Variants in ARHGAP19 observed in about 807,000 individuals in gnomAD.
ARHGAP19 encodes rho GTPase-activating protein 19.
In ARHGAP19, 48 loss-of-function variants were observed where a neutral mutation model predicts 60.9. The ratio of observed to expected loss-of-function variants is 0.79; its 90% CI spans 0.62 to 1.00. The LOEUF (loss-of-function observed/expected upper bound fraction) is 1.00, where lower values mean the gene tolerates loss of function less well. Ranked by LOEUF, ARHGAP19 falls within the 50% of genes least tolerant of loss-of-function variation. The pLI, the probability that ARHGAP19 is intolerant of heterozygous loss-of-function variation, is 0.00. For missense variants in ARHGAP19, 562 were observed against 597.2 expected (o/e 0.94, Z 0.61); for synonymous variants, 209 against 215.5 (o/e 0.97, Z 0.27).
intron 8 of ARHGAP19, among the ~76,000 whole-genome samples, chr10:97,236,829 A>ACCACATAT (rs1480697127): frequency 2.7e-5 from 4 of 147,400 alleles, no homozygotes; most frequent in African/African-American, 1.0e-4. Flanking sequence ...AAAAAAATAC[A>ACCACATAT]CCACATATAA....
At chr10:97,248,626 T>C (rs575522519) in intron 6 of ARHGAP19, among the ~76,000 whole-genome samples, 1 of 152,154 alleles carries the variant, frequency 6.6e-6, no homozygotes, top group East Asian at 1.9e-4. Context: ...ATATACCTAG[T>C]ATCACTCAGA....
chr10:97,227,122 T>C (rs920435367), intron 11 of ARHGAP19, among the ~76,000 whole-genome samples: 1 of 152,206 alleles, frequency 6.6e-6, no homozygotes, highest in African/African-American at 2.4e-5. Flanking sequence ...TGTGCCAAGG[T>C]TGAGAAATCC....
At chr10:97,279,091 T>C (rs1330196609) in intron 1 of ARHGAP19, among the ~76,000 whole-genome samples, 1 of 152,218 alleles carries the variant, frequency 6.6e-6, no homozygotes, top group African/African-American at 2.4e-5. Flanking sequence ...GTTGGAAAGC[T>C]GTTAGATAAG....
At chr10:97,235,829 T>C (rs1476160077) in intron 8 of ARHGAP19, among the ~76,000 whole-genome samples, 1 of 152,216 alleles carries the variant, frequency 6.6e-6, no homozygotes, top group Non-Finnish European at 1.5e-5. Flanking sequence ...ATCAGCTCTC[T>C]GGAGGTATCT....
chr10:97,242,869 C>T (rs1005598580), intron 8 of ARHGAP19, among the ~76,000 whole-genome samples: 1 of 152,008 alleles, frequency 6.6e-6, no homozygotes, highest in African/African-American at 2.4e-5. Flanking sequence ...AGGCTGGCCT[C>T]GAACTCCCGA....
chr10:97,264,630 T>C (rs986522645), intron 3 of ARHGAP19, among the ~76,000 whole-genome samples, 196 bp downstream of exon 3: 1 of 152,134 alleles, frequency 6.6e-6, no homozygotes, highest in African/African-American at 2.4e-5. Context: ...ATATACACTT[T>C]GAGAGTATAA....
At chr10:97,257,111 ACT>A (rs1386139150) in intron 5 of ARHGAP19, among the ~76,000 whole-genome samples, 2 of 151,928 alleles carry the variant, frequency 1.3e-5, no homozygotes, top group African/African-American at 4.8e-5. Flanking sequence ...ACAAAGCAAG[ACT>A]CTGTCTCAAA....
intron 1 of ARHGAP19, among the ~76,000 whole-genome samples, chr10:97,286,934 T>C (rs1843163771): frequency 6.7e-6 from 1 of 150,066 alleles, no homozygotes; most frequent in African/African-American, 2.5e-5. Context: ...ATAAAGTGGA[T>C]AGTTTTTTTT....
intron 5 of ARHGAP19, among the ~76,000 whole-genome samples, chr10:97,256,874 C>T (rs967251564): frequency 6.6e-6 from 1 of 152,182 alleles, no homozygotes; most frequent in Non-Finnish European, 1.5e-5. Context: ...GTAATCCCAG[C>T]ACTTTGGGAG....
At position 97,223,605 on chromosome 10, in the gene ARHGAP19, T is replaced by G. The variant is rs947984433; in HGVS notation, c.*2517A>C. The G allele has an allele frequency of 1.3e-5, 2 of 152,168 alleles. No homozygotes were observed. The highest frequency in any genetic ancestry group is 4.8e-5 in the African/African-American group (2 of 41,430). 9.4% of individuals were successfully genotyped at this position (152,168 alleles called of 1,614,324 possible). A position where few individuals can be genotyped will look rare whatever the true frequency, so the allele number is the denominator to read the frequency against. On this transcript the variant is annotated 3_prime_UTR_variant, in exon 12 of 12. Transcript: ENST00000358531. Reference sequence around the variant, plus strand: ...TTGTAAAAGCCACAAGAAGAGGCACTTCCAGAGAGATTGTTCCAACATGAA... The same window carrying G: ...TTGTAAAAGCCACAAGAAGAGGCACGTCCAGAGAGATTGTTCCAACATGAA...
chr10:97,258,447 T>C (rs1027821775), intron 5 of ARHGAP19, among the ~76,000 whole-genome samples: 1 of 152,064 alleles, frequency 6.6e-6, no homozygotes, highest in Non-Finnish European at 1.5e-5. Flanking sequence ...AGCAGGAGAA[T>C]TGCTTGAACC....
intron 1 of ARHGAP19, among the ~76,000 whole-genome samples, chr10:97,273,481 TC>T: frequency 9.5e-6 from 1 of 105,378 alleles, no homozygotes; most frequent in Non-Finnish European, 1.9e-5. Context: ...TAATTTCTGC[TC>T]TCTTTTTTTT....
At chr10:97,259,768 C>G in intron 4 of ARHGAP19, 140 bp from the exon 5 acceptor site, 1 of 644,244 alleles carries the variant, frequency 1.6e-6, no homozygotes, top group South Asian at 1.9e-5. Flanking sequence ...TCAAAGACTA[C>G]AGCAAAACAT....
At chr10:97,245,042 G>A (rs1842543557) in intron 7 of ARHGAP19, among the ~76,000 whole-genome samples, 1 of 151,950 alleles carries the variant, frequency 6.6e-6, no homozygotes, top group Non-Finnish European at 1.5e-5. Flanking sequence ...GTCTCACTCT[G>A]TCACCCAGAC....
At chr10:97,253,885 GT>G (rs1411750095) in intron 6 of ARHGAP19, among the ~76,000 whole-genome samples, 1 of 152,156 alleles carries the variant, frequency 6.6e-6, no homozygotes, top group East Asian at 1.9e-4. Context: ...TTCGTGCATA[GT>G]ATACATATAG....
intron 5 of ARHGAP19, 23 bp downstream of exon 5, chr10:97,259,377 CTT>C (rs935038533): frequency 6.3e-7 from 1 of 1,583,866 alleles, no homozygotes; most frequent in Non-Finnish European, 8.7e-7. Flanking sequence ...ACCAAGCAAT[CTT>C]TACTCTTCCC....
intron 1 of ARHGAP19, among the ~76,000 whole-genome samples, chr10:97,283,324 A>T (rs1355491985): frequency 6.6e-6 from 1 of 151,886 alleles, no homozygotes; most frequent in Non-Finnish European, 1.5e-5. Context: ...CAGGAGGCTG[A>T]GGTGGGTGGA....
intron 4 of ARHGAP19, among the ~76,000 whole-genome samples, chr10:97,259,850 T>TTTTG (rs1554864400): frequency 2.4e-4 from 7 of 29,654 alleles, no homozygotes; most frequent in Admixed American, 4.4e-4. Flanking sequence ...GTTTTGTTTT[T>TTTTG]TTTGAGACAA....
At chr10:97,233,581 G>C (rs1323965307) in intron 9 of ARHGAP19, among the ~76,000 whole-genome samples, 1 of 152,158 alleles carries the variant, frequency 6.6e-6, no homozygotes, top group Non-Finnish European at 1.5e-5. Flanking sequence ...TTGTGAGTAG[G>C]AGCTGGCCGG....
Sources: allele counts gnomAD v4.1 joint callset (sites outside exome capture counted in the v4.1 genomes callset), GRCh38; gene constraint gnomAD v4.1.1; transcripts MANE v1.5; gene names NCBI Gene and HGNC (gene_info 2026-07-23, HGNC 2026-07-21).